TNRC6A: variants seen among roughly 807,000 people sequenced by gnomAD.
The protein encoded by TNRC6A is trinucleotide repeat containing adaptor 6A, also known as trinucleotide repeat-containing gene 6A protein.
A neutral mutation model predicts 221.2 loss-of-function variants in TNRC6A; 44 were observed. The ratio of observed to expected loss-of-function variants is 0.20; its 90% CI spans 0.16 to 0.26. TNRC6A has a LOEUF of 0.26. TNRC6A is among the 10% of genes least tolerant of loss of function. The pLI is 1.00. For synonymous variants in TNRC6A, 847 were observed against 838.5 expected, an observed-to-expected ratio of 1.01 and a Z score of -0.18; for missense variants, 2,199 against 2,404.4, an observed-to-expected ratio of 0.91 and a Z score of 1.79.
chr16:24,611,092 C>T (rs1165180954), intron 1 of TNRC6A, among the ~76,000 whole-genome samples: 2 of 152,100 alleles, frequency 1.3e-5, no homozygotes, highest in African/African-American at 2.4e-5. Context: ...GGATTACAGG[C>T]ATCAACCCCT....
At chr16:24,774,798 C>T (rs2057685484) in intron 4 of TNRC6A, among the ~76,000 whole-genome samples, 1 of 152,120 alleles carries the variant, frequency 6.6e-6, no homozygotes, top group African/African-American at 2.4e-5. Flanking sequence ...CAACAGATAC[C>T]AGAATTCATG....
intron 2 of TNRC6A, among the ~76,000 whole-genome samples, chr16:24,678,098 T>C (rs2055456587): frequency 6.6e-6 from 1 of 151,948 alleles, no homozygotes; most frequent in Admixed American, 6.6e-5. Flanking sequence ...TTGCCTGAGC[T>C]CAGGAGTTCA....
intron 2 of TNRC6A, among the ~76,000 whole-genome samples, chr16:24,701,359 CT>C (rs66524700): frequency 0.52 from 76,977 of 147,842 alleles, 22,227 homozygotes; most frequent in East Asian, 0.79. Context: ...ACCTTACTAA[CT>C]TTTTTTTCTT....
At chr16:24,628,335 G>A (rs1056601651) in intron 1 of TNRC6A, among the ~76,000 whole-genome samples, 1 of 151,940 alleles carries the variant, frequency 6.6e-6, no homozygotes, top group Non-Finnish European at 1.5e-5. Context: ...CAGAAGAATC[G>A]CTTGAACCTA....
intron 2 of TNRC6A, among the ~76,000 whole-genome samples, chr16:24,749,386 A>G (rs1041558208): frequency 6.6e-6 from 1 of 152,198 alleles, no homozygotes; most frequent in Non-Finnish European, 1.5e-5. Flanking sequence ...TCAAGCACCT[A>G]TCAGACTCCT....
At chr16:24,815,858 A>C (rs1211123639) in intron 19 of TNRC6A, 1 of 156,752 alleles carries the variant, frequency 6.4e-6, no homozygotes, top group Non-Finnish European at 1.4e-5. Context: ...AACAACAAAA[A>C]CTTTAATTCG....
chr16:24,673,065 T>A (rs1486082437), intron 2 of TNRC6A, among the ~76,000 whole-genome samples: 2 of 151,772 alleles, frequency 1.3e-5, no homozygotes, highest in African/African-American at 4.8e-5. Context: ...CTTAGCCAGG[T>A]GTGATGGCAC....
intron 2 of TNRC6A, among the ~76,000 whole-genome samples, chr16:24,737,778 G>A (rs1429843070): frequency 6.6e-6 from 1 of 152,208 alleles, no homozygotes; most frequent in Non-Finnish European, 1.5e-5. Context: ...TATTTTTAGA[G>A]TTATGACGTC....
chr16:24,657,150 C>T (rs902406757), intron 2 of TNRC6A, among the ~76,000 whole-genome samples: 4 of 151,052 alleles, frequency 2.6e-5, no homozygotes, highest in Non-Finnish European at 4.4e-5. Flanking sequence ...CTATCTTCTA[C>T]AAAAAATACA....
chr16:24,733,865 T>C (rs1481461379), intron 2 of TNRC6A, among the ~76,000 whole-genome samples: 1 of 152,178 alleles, frequency 6.6e-6, no homozygotes, highest in African/African-American at 2.4e-5. Flanking sequence ...GAGGCCTGAA[T>C]TGAAGTGGTG....
chr16:24,804,194 C>A lies in TNRC6A; in HGVS notation c.3712C>A (p.Arg1238=). 6.2e-7 allele frequency: 1 copy of A among 1,608,906 alleles called. No homozygotes were observed. Among genetic ancestry groups the A allele is most frequent in the Non-Finnish European group, 8.5e-7 (1 of 1,178,818 alleles). ...DLSGGMLQDK[R]MEIDKHSLNI... ...TTTATTAGGAATGTTACAAGACAAA[C>A]GAATGGAGATAGATAAACATAGCCT... The change falls in exon 12 of 25, where the codon CGA becomes AGA. Residue 1238 remains arginine (R), a synonymous_variant. Transcript: ENST00000395799.
At chr16:24,815,399 G>A (rs759751933) in intron 19 of TNRC6A, 94 bp downstream of exon 19, 21 of 1,417,928 alleles carry the variant, frequency 1.5e-5, no homozygotes, top group Admixed American at 9.7e-5. Flanking sequence ...CCAGATCGGC[G>A]TGCTTAGACT....
intron 4 of TNRC6A, among the ~76,000 whole-genome samples, chr16:24,773,091 G>A (rs542585336): frequency 7.2e-4 from 110 of 152,020 alleles, no homozygotes; most frequent in Admixed American, 1.1e-3. Flanking sequence ...TACTTTAAAA[G>A]TCATTGATCT....
intron 4 of TNRC6A, 92 bp from the exon 5 acceptor site, chr16:24,776,841 T>C: frequency 6.6e-7 from 1 of 1,519,780 alleles, no homozygotes. Flanking sequence ...TTTAGGATTA[T>C]TTTTCTTAGT....
chr16:24,729,988 G>C, intron 1 of TNRC6A, 142 bp downstream of exon 1: 2 of 803,812 alleles, frequency 2.5e-6, no homozygotes. Context: ...CGCAGGCTGC[G>C]TTGCTGCGGA....
chr16:24,624,353 T>A (rs187414200), intron 1 of TNRC6A, among the ~76,000 whole-genome samples: 55 of 152,284 alleles, frequency 3.6e-4, no homozygotes, highest in Non-Finnish European at 6.8e-4. Flanking sequence ...GCAGAGGGCA[T>A]GAATACAAGG....
At chr16:24,658,657 C>G (rs1385739275) in intron 2 of TNRC6A, among the ~76,000 whole-genome samples, 3 of 151,900 alleles carry the variant, frequency 2.0e-5, no homozygotes, top group African/African-American at 7.3e-5. Context: ...AGAGCCCCAC[C>G]CACCCTGTTT....
At chr16:24,715,087 A>G (rs1406244510) in intron 2 of TNRC6A, among the ~76,000 whole-genome samples, 1 of 151,980 alleles carries the variant, frequency 6.6e-6, no homozygotes, top group East Asian at 1.9e-4. Flanking sequence ...CGTGTTAGCC[A>G]GGATGGTCTC....
intron 2 of TNRC6A, among the ~76,000 whole-genome samples, chr16:24,669,968 T>TTTTTTTTTTTTTTTTTTTTTTAA (rs2055259977): frequency 8.6e-6 from 1 of 115,962 alleles, no homozygotes; most frequent in Non-Finnish European, 1.7e-5. Flanking sequence ...TTTTTTTTTT[T>TTTTTTTTTTTTTTTTTTTTTTAA]AGACAGAGTC....
Sources: allele counts gnomAD v4.1 joint callset (sites outside exome capture counted in the v4.1 genomes callset), GRCh38; gene constraint gnomAD v4.1.1; transcripts MANE v1.5; gene names NCBI Gene and HGNC (gene_info 2026-07-23, HGNC 2026-07-21).